The following CTIF variants were observed in gnomAD, a reference collection of about 807,000 sequenced individuals.
The protein encoded by CTIF is CBP80/20-dependent translation initiation factor.
CTIF carries 21 observed loss-of-function variants against 66.0 expected under a neutral mutation model. The ratio of observed to expected loss-of-function variants is 0.32; its 90% CI spans 0.23 to 0.46. The LOEUF is 0.46. CTIF is among the 20% of genes least tolerant of loss of function. CTIF has a pLI of 1.00. For synonymous variants in CTIF, 345 were observed against 326.4 expected, an observed-to-expected ratio of 1.06 and a Z score of -0.62; for missense variants, 739 against 812.7, an observed-to-expected ratio of 0.91 and a Z score of 1.10.
intron 1 of CTIF, among the ~76,000 whole-genome samples, chr18:48,554,960 A>C (rs16949464): frequency 0.017 from 2,534 of 151,900 alleles, 68 homozygotes; most frequent in African/African-American, 0.059. Flanking sequence ...CGCATATCCC[A>C]TTCTCCTTCC....
intron 3 of CTIF, among the ~76,000 whole-genome samples, chr18:48,646,807 A>G (rs1348197215): frequency 6.7e-6 from 1 of 148,408 alleles, no homozygotes; most frequent in Non-Finnish European, 1.5e-5. Context: ...ACAGCGTCCA[A>G]TGCTGGTGAG....
chr18:48,730,565 TTCTGCGGTGTGAGGGGCC>T (rs2092441472), intron 7 of CTIF, among the ~76,000 whole-genome samples: 6 of 2,996 alleles, frequency 2.0e-3, no homozygotes, highest in African/African-American at 5.6e-3. Flanking sequence ...TGTGAGGGGC[TTCTGCGGTGTGAGGGGCC>T]CCTGTGGTGT....
At chr18:48,657,804 A>C (rs2091269387) in intron 3 of CTIF, among the ~76,000 whole-genome samples, 1 of 152,118 alleles carries the variant, frequency 6.6e-6, no homozygotes, top group Non-Finnish European at 1.5e-5. Context: ...TAGTAGCCTA[A>C]AGTGAAATAT....
chr18:48,767,470 C>T (rs1157199634), intron 9 of CTIF, among the ~76,000 whole-genome samples: 1 of 152,120 alleles, frequency 6.6e-6, no homozygotes, highest in Non-Finnish European at 1.5e-5. Flanking sequence ...TGTGTGTGCT[C>T]TGTTTAGCCA....
chr18:48,655,160 C>G (rs1470621403), intron 3 of CTIF, among the ~76,000 whole-genome samples: 1 of 151,346 alleles, frequency 6.6e-6, no homozygotes, highest in African/African-American at 2.4e-5. Flanking sequence ...CAAAAATTTG[C>G]TGGGTATGGT....
At chr18:48,676,613 C>A (rs1344772128) in intron 6 of CTIF, among the ~76,000 whole-genome samples, 1 of 152,056 alleles carries the variant, frequency 6.6e-6, no homozygotes, top group Non-Finnish European at 1.5e-5. Context: ...GTGGACGCCA[C>A]CCGGTCAAGT....
chr18:48,575,965 G>A (rs1171751863), intron 1 of CTIF, among the ~76,000 whole-genome samples: 1 of 152,270 alleles, frequency 6.6e-6, no homozygotes, highest in African/African-American at 2.4e-5. Context: ...AACATTTGTG[G>A]AGACCCACAC....
intron 6 of CTIF, among the ~76,000 whole-genome samples, chr18:48,698,012 G>A (rs1031873651): frequency 2.0e-5 from 3 of 147,668 alleles, no homozygotes; most frequent in Non-Finnish European, 4.5e-5. Context: ...CAAGCGTGGG[G>A]TATGACCAGA....
intron 6 of CTIF, among the ~76,000 whole-genome samples, chr18:48,707,057 G>C (rs886187730): frequency 2.0e-5 from 3 of 152,180 alleles, no homozygotes; most frequent in African/African-American, 7.2e-5. Flanking sequence ...AGGTAGACCA[G>C]ACAGCCAAAA....
chr18:48,541,632 G>C (rs975036332), intron 1 of CTIF, among the ~76,000 whole-genome samples: 1 of 152,188 alleles, frequency 6.6e-6, no homozygotes, highest in Non-Finnish European at 1.5e-5. Context: ...AGGTTGTCTG[G>C]GGAAACTCCT....
intron 1 of CTIF, among the ~76,000 whole-genome samples, chr18:48,558,650 C>A (rs978967747): frequency 6.6e-6 from 1 of 152,140 alleles, no homozygotes; most frequent in Admixed American, 6.5e-5. Flanking sequence ...TTTATAGTAT[C>A]TGGTTTGTTT....
chr18:48,679,987 G>C (rs957408695), intron 6 of CTIF, among the ~76,000 whole-genome samples: 3 of 152,274 alleles, frequency 2.0e-5, no homozygotes, highest in Middle Eastern at 6.8e-3. Flanking sequence ...AGAGCAGTTG[G>C]GGGTGGCCCT....
chr18:48,742,018 T>C (rs2092559209), intron 7 of CTIF, among the ~76,000 whole-genome samples: 1 of 152,128 alleles, frequency 6.6e-6, no homozygotes, highest in Admixed American at 6.5e-5. Context: ...CTCAATACCA[T>C]CTGCAGAAAG....
intron 1 of CTIF, among the ~76,000 whole-genome samples, chr18:48,552,954 C>T (rs1220139016): frequency 6.6e-6 from 1 of 152,188 alleles, no homozygotes. Context: ...CGATATAATA[C>T]TAAAGTCTCT....
intron 9 of CTIF, among the ~76,000 whole-genome samples, chr18:48,803,159 G>A (rs2068079934): frequency 6.6e-6 from 1 of 152,188 alleles, no homozygotes; most frequent in Admixed American, 6.5e-5. Flanking sequence ...ATAGAAATAT[G>A]CTGGGTGCTC....
chr18:48,658,648 G>A (rs2091286893), intron 3 of CTIF, among the ~76,000 whole-genome samples: 1 of 152,088 alleles, frequency 6.6e-6, no homozygotes, highest in Non-Finnish European at 1.5e-5. Context: ...TGTGTATTAT[G>A]TGGATGTGTG....
chr18:48,648,390 G>C (rs1469165515), intron 3 of CTIF, among the ~76,000 whole-genome samples: 4 of 151,976 alleles, frequency 2.6e-5, no homozygotes, highest in Non-Finnish European at 1.5e-5. Context: ...CTGCCCTGCT[G>C]TTCTCCTGCT....
At chr18:48,642,772 A>G (rs1033027579) in intron 3 of CTIF, among the ~76,000 whole-genome samples, 1 of 152,158 alleles carries the variant, frequency 6.6e-6, no homozygotes, top group Non-Finnish European at 1.5e-5. Flanking sequence ...CAACCAAACA[A>G]TCCAAATCTT....
Position 48,847,315 on chromosome 18 carries a change from A to AC in CTIF, c.1528-10273_1528-10272insC, listed in dbSNP as rs559980553. ...GAGCAAGACTCCGTCTCAAAAAAAA[A>AC]AAAAAAAAAAAATTATGAGCTCCAA... On this transcript the variant is annotated intron_variant, in intron 10 of 11. Transcript: ENST00000256413. Among the ~76,000 whole-genome samples the AC allele has an allele frequency of 2.9e-3, 445 of 152,154 alleles. 1 individual carries two copies. Among genetic ancestry groups the AC allele is most frequent in the African/African-American group, 0.01 (427 of 41,500 alleles).
Sources: gnomAD v4.1 joint callset for allele counts (sites outside exome capture counted in the v4.1 genomes callset) on GRCh38, gnomAD v4.1.1 for gene constraint, MANE v1.5 for transcripts, NCBI Gene and HGNC (gene_info 2026-07-23, HGNC 2026-07-21) for gene names.